The following QRICH2 variants were observed in gnomAD, a reference collection of about 807,000 sequenced individuals.
QRICH2 encodes glutamine rich 2.
QRICH2 carries 119 observed loss-of-function variants against 168.3 expected under a neutral mutation model. That is an observed-to-expected ratio of 0.71 (90% confidence interval 0.61 to 0.82). The LOEUF (loss-of-function observed/expected upper bound fraction) is 0.82, where lower values mean the gene tolerates loss of function less well. Ranked by LOEUF, QRICH2 falls within the 40% of genes least tolerant of loss-of-function variation. The pLI, the probability that QRICH2 is intolerant of heterozygous loss-of-function variation, is 0.00. For synonymous variants in QRICH2, 894 were observed against 951.2 expected (o/e 0.94, Z 1.11); for missense variants, 2,241 against 2,491.6 (o/e 0.90, Z 2.14).
At chr17:76,288,364 A>G (rs2070928027) in intron 5 of QRICH2, among the ~76,000 whole-genome samples, 1 of 143,106 alleles carries the variant, frequency 7.0e-6, no homozygotes, top group Admixed American at 7.4e-5. Flanking sequence ...AGCCTGGGCA[A>G]CAGAGCAAGA....
At position 76,291,288 on chromosome 17, in the gene QRICH2, C is replaced by A; in HGVS notation, c.3439G>T (p.Ala1147Ser). 2 of 1,614,168 alleles carry A rather than the reference C, an allele frequency of 1.2e-6. No individual in the cohort carries two copies. Among genetic ancestry groups the A allele is most frequent in the Non-Finnish European group, 1.7e-6 (2 of 1,180,026 alleles). Residue 1147 changes from alanine to serine, a missense_variant, in exon 4 of 19, where the codon GCC (alanine) becomes TCC (serine). Physicochemically the swap from Ala to Ser is moderately conservative, Grantham distance 99. Coordinates refer to ENST00000680821, the MANE Select transcript of QRICH2 (RefSeq NM_001388453.1). ...AAAAGAGTGACATCTTGGCCTGGGG[C>A]CTTCTGGGCAGGAATTCCATGTCGG... ...SDRHGIPAQKAPGQDVTLFRS... is the reference protein window; with the variant it reads ...SDRHGIPAQKSPGQDVTLFRS...
intron 3 of QRICH2, among the ~76,000 whole-genome samples, chr17:76,294,340 CT>C (rs1418579255): frequency 6.6e-6 from 1 of 152,050 alleles, no homozygotes; most frequent in Non-Finnish European, 1.5e-5. Context: ...AGGAGAATTG[CT>C]TGAACCTGGG....
intron 3 of QRICH2, chr17:76,301,488 A>G: frequency 4.4e-6 from 1 of 226,686 alleles, no homozygotes; most frequent in South Asian, 4.0e-5. Context: ...GGATTGCTTG[A>G]GCCCCAGAGG....
intron 18 of QRICH2, 37 bp from the exon 19 acceptor site, chr17:76,274,297 C>A: frequency 6.4e-7 from 1 of 1,560,318 alleles, no homozygotes; most frequent in Non-Finnish European, 8.6e-7. Context: ...TCAACACATT[C>A]CCCAAGCCCA....
intron 3 of QRICH2, 27 bp from the exon 4 acceptor site, chr17:76,294,048 A>G (rs1158745726): frequency 7.0e-6 from 11 of 1,562,316 alleles, no homozygotes; most frequent in African/African-American, 2.7e-5. Flanking sequence ...AAGGAAATCA[A>G]TAACAGTCAA....
chr17:76,287,624 T>A (rs1372450425), intron 6 of QRICH2, among the ~76,000 whole-genome samples, 176 bp downstream of exon 6: 1 of 152,130 alleles, frequency 6.6e-6, no homozygotes. Context: ...TTTGGGAACC[T>A]GGGGAACTTC....
In QRICH2 at chr17:76,277,235, G is replaced by A. The variant is rs2070698134; in HGVS notation, c.5193C>T (p.Pro1731=). 6.2e-7 allele frequency: 1 copy of A among 1,601,786 alleles called. No individual in the cohort carries two copies. Among genetic ancestry groups the A allele is most frequent in the Non-Finnish European group, 8.5e-7 (1 of 1,176,728 alleles). ...GGTGCTGCGGGCGGCTGCGGTGGTA[G>A]GGGTAGGTGAGGGTGTGGCTGCCCC... ...RCGGSHTLTY[P]YHRSRPQHLP... is the part of the protein sequence containing the mutation. The change falls in exon 16 of 19, where the codon CCC becomes CCT. Residue 1731 remains proline (P), a synonymous_variant. Transcript: ENST00000680821.
rs1024726257 is a variant in QRICH2 at position 76,280,166 on chromosome 17, A to T, written c.4627-12T>A. Reference sequence around the variant, plus strand: ...TCCAGGCGGTCCAGCTGTGGCGGGGAAAGAGGGGCCAGGGGACCTCTAAGG... The same window carrying T: ...TCCAGGCGGTCCAGCTGTGGCGGGGTAAGAGGGGCCAGGGGACCTCTAAGG... On this transcript the variant is annotated splice_polypyrimidine_tract_variant and intron_variant, in intron 11 of 18. Transcript: ENST00000680821. This position sits in a 1 kb window ranked among gnomAD's most constrained non-coding sequence, Gnocchi z 7.4. The T allele has an allele frequency of 6.2e-7, 1 of 1,612,278 alleles. No homozygotes were observed. Among genetic ancestry groups the T allele is most frequent in the Non-Finnish European group, 8.5e-7 (1 of 1,179,136 alleles).
At position 76,293,412 on chromosome 17, in the gene QRICH2, C is replaced by T; in HGVS notation, c.1315G>A (p.Glu439Lys). The change falls in exon 4 of 19, where the codon GAG (glutamate) becomes AAG (lysine). Residue 439 changes from glutamate (E) to lysine (K), a missense_variant. Coordinates refer to ENST00000680821, the MANE Select transcript of QRICH2 (RefSeq NM_001388453.1). ...ACTGATGGTGGCAACATACGTTGCTCATCCACGACAAATGGTATCAATTCC... is the reference window on the plus strand; with the variant it reads ...ACTGATGGTGGCAACATACGTTGCTTATCCACGACAAATGGTATCAATTCC... ...DRELIPFVVD[E>K]QRMLPPSVPG... 2 of 1,614,164 alleles carry T rather than the reference C, an allele frequency of 1.2e-6. No individual in the cohort carries two copies. The highest frequency in any genetic ancestry group is 1.7e-6 in the Non-Finnish European group (2 of 1,180,014).
chr17:76,299,961 G>A (rs1189339368), intron 3 of QRICH2, among the ~76,000 whole-genome samples: 1 of 151,760 alleles, frequency 6.6e-6, no homozygotes, highest in Non-Finnish European at 1.5e-5. Flanking sequence ...CTCCCGAATA[G>A]CTGGGACTAC....
At position 76,308,040 on chromosome 17, in the gene QRICH2, A is replaced by C; in HGVS notation, c.-42T>G. 1 of 1,231,434 alleles carries C rather than the reference A, an allele frequency of 8.1e-7. No individual in the cohort carries two copies. The highest frequency in any genetic ancestry group is 4.1e-5 in the South Asian group (1 of 24,374). 76.3% of individuals were successfully genotyped at this position (1,231,434 alleles called of 1,614,324 possible). On this transcript the variant is annotated 5_prime_UTR_variant, in exon 1 of 19. Transcript: ENST00000680821. ...TGTGCGCCGCCGCGGGGCGCCGGCCAACCACTTCCCGCTCACTGCACGCCG... is the reference window on the plus strand; with the variant it reads ...TGTGCGCCGCCGCGGGGCGCCGGCCCACCACTTCCCGCTCACTGCACGCCG...
At chr17:76,297,404 G>A (rs927940506) in intron 3 of QRICH2, among the ~76,000 whole-genome samples, 6 of 152,134 alleles carry the variant, frequency 3.9e-5, no homozygotes, top group African/African-American at 1.4e-4. Context: ...CTACTCAGGA[G>A]GCTGAGGCAG....
intron 2 of QRICH2, among the ~76,000 whole-genome samples, 163 bp downstream of exon 2, chr17:76,304,719 T>C (rs781077739): frequency 3.9e-5 from 6 of 152,076 alleles, no homozygotes; most frequent in African/African-American, 1.2e-4. Context: ...AGCAGAGCGC[T>C]GGGCAGGGCT....
chr17:76,305,358 A>C (rs1192282315), intron 1 of QRICH2, among the ~76,000 whole-genome samples: 2 of 151,880 alleles, frequency 1.3e-5, no homozygotes, highest in African/African-American at 2.4e-5. Flanking sequence ...TAGAGATAAG[A>C]TCTTGCAATG....
rs201723110 is a variant in QRICH2, at chr17:76,293,317, T to C, written c.1410A>G (p.Ala470=). Residue 470 remains alanine, a synonymous_variant, in exon 4 of 19, where the codon GCA becomes GCG. Transcript: ENST00000680821. ...TDQHGLVSVS[A]YQHGMTFPGT... is the part of the protein sequence containing the mutation. ...CAGGAAATGTCATACCATGCTGATA[T>C]GCACTGACTGAAACCAGACCATGTT... is the stretch of plus-strand genomic sequence containing the variant. 4 of 1,614,160 alleles carry C rather than the reference T, an allele frequency of 2.5e-6. No individual in the cohort carries two copies. Among genetic ancestry groups the C allele is most frequent in the African/African-American group, 1.3e-5 (1 of 75,070 alleles).
At chr17:76,308,584 G>C, upstream of QRICH2, 11 of 700,598 alleles carry the variant, frequency 1.6e-5, 1 homozygote, top group Non-Finnish European at 1.2e-5. Flanking sequence ...CCATGTCTAA[G>C]GGATGCAGTC....
rs1206263499 is a variant in QRICH2, at chr17:76,307,044, G to A, written c.534+421C>T. On this transcript the variant is annotated intron_variant, in intron 1 of 18. Transcript: ENST00000680821. The surrounding 1 kb of genome is among the most constrained non-coding windows in gnomAD (Gnocchi z 5.3). ...TCATGTCCTTATTCATTTTAAAAAG[G>A]GAATTCACTCTAAGAATCTTCTGAG... 1.3e-5 allele frequency among the ~76,000 whole-genome samples: 2 copies of A among 152,060 alleles called. No homozygotes were observed. The highest frequency in any genetic ancestry group is 2.9e-5 in the Non-Finnish European group (2 of 67,994).
intron 5 of QRICH2, among the ~76,000 whole-genome samples, chr17:76,288,605 T>A (rs1452973275): frequency 6.6e-6 from 1 of 151,526 alleles, no homozygotes; most frequent in Non-Finnish European, 1.5e-5. Flanking sequence ...CTTGGGAGGC[T>A]GAGGCATGAG....
intron 3 of QRICH2, among the ~76,000 whole-genome samples, chr17:76,299,591 G>C (rs1247431212): frequency 6.6e-6 from 1 of 151,868 alleles, no homozygotes; most frequent in Admixed American, 6.6e-5. Context: ...ACAAAAATTA[G>C]CTGGGCGTGA....
Sources: allele counts gnomAD v4.1 joint callset (sites outside exome capture counted in the v4.1 genomes callset), GRCh38; gene constraint gnomAD v4.1.1; non-coding constraint Gnocchi (gnomAD v3.1); transcripts MANE v1.5; gene names NCBI Gene and HGNC (gene_info 2026-07-23, HGNC 2026-07-21).